L3MBTL4: variants seen among roughly 807,000 people sequenced by gnomAD.
L3MBTL4 encodes lethal(3)malignant brain tumor-like protein 4.
In L3MBTL4, 70 loss-of-function variants were observed where a neutral mutation model predicts 84.5. The ratio of observed to expected loss-of-function variants is 0.83; its 90% confidence interval spans 0.68 to 1.01. L3MBTL4 has a LOEUF of 1.01. Among genes scored for constraint, L3MBTL4 ranks in the 50% least tolerant of loss-of-function variants. The pLI is 0.00. For synonymous variants in L3MBTL4, 274 were observed against 259.8 expected (o/e 1.05, Z -0.52); for missense variants, 715 against 754.8 (o/e 0.95, Z 0.62).
At chr18:6,377,922 T>C (rs2054437400) in intron 1 of L3MBTL4, among the ~76,000 whole-genome samples, 1 of 152,228 alleles carries the variant, frequency 6.6e-6, no homozygotes, top group Non-Finnish European at 1.5e-5. Context: ...TTGAACTAAT[T>C]TACAATCCCA....
At chr18:6,408,019 C>T (rs2055806822) in intron 1 of L3MBTL4, among the ~76,000 whole-genome samples, 1 of 152,068 alleles carries the variant, frequency 6.6e-6, no homozygotes, top group Non-Finnish European at 1.5e-5. Flanking sequence ...GATACCATCC[C>T]CTCCAAACAC....
intron 3 of L3MBTL4, among the ~76,000 whole-genome samples, chr18:6,304,034 A>AC (rs1248683134): frequency 1.3e-5 from 2 of 151,644 alleles, no homozygotes; most frequent in Non-Finnish European, 2.9e-5. Flanking sequence ...AAAAAACAAA[A>AC]AAAAAAGACT....
At chr18:6,157,659 C>T (rs1262107758) in intron 13 of L3MBTL4, among the ~76,000 whole-genome samples, 3 of 151,956 alleles carry the variant, frequency 2.0e-5, no homozygotes, top group Non-Finnish European at 2.9e-5. Context: ...GCTATTATGC[C>T]TGTTTATGTT....
intron 1 of L3MBTL4, among the ~76,000 whole-genome samples, chr18:6,352,802 T>C (rs2053260634): frequency 6.6e-6 from 1 of 152,220 alleles, no homozygotes; most frequent in Non-Finnish European, 1.5e-5. Context: ...ATCTAGTTGG[T>C]AGCCTCAAAA....
chr18:6,210,845 A>G (rs1453018455), intron 12 of L3MBTL4, among the ~76,000 whole-genome samples: 1 of 152,136 alleles, frequency 6.6e-6, no homozygotes, highest in Non-Finnish European at 1.5e-5. Flanking sequence ...ACTGATGACA[A>G]TTGCTTCCTT....
intron 1 of L3MBTL4, among the ~76,000 whole-genome samples, chr18:6,361,965 CA>C (rs2053715077): frequency 1.3e-5 from 2 of 151,772 alleles, no homozygotes; most frequent in Non-Finnish European, 2.9e-5. Context: ...AAAAATTAGG[CA>C]GGCATGGTGG....
intron 4 of L3MBTL4, among the ~76,000 whole-genome samples, chr18:6,268,460 C>T (rs1415464331): frequency 6.6e-6 from 1 of 152,196 alleles, no homozygotes; most frequent in Non-Finnish European, 1.5e-5. Context: ...CAGAATAGCA[C>T]TCTGGGCCTT....
At chr18:6,276,191 G>C (rs2049070361) in intron 4 of L3MBTL4, among the ~76,000 whole-genome samples, 1 of 152,192 alleles carries the variant, frequency 6.6e-6, no homozygotes, top group South Asian at 2.1e-4. Flanking sequence ...ATCAAGCCAA[G>C]GTACATCTTA....
At chr18:6,185,602 C>T (rs755410070) in intron 12 of L3MBTL4, among the ~76,000 whole-genome samples, 2 of 152,102 alleles carry the variant, frequency 1.3e-5, no homozygotes, top group Non-Finnish European at 2.9e-5. Flanking sequence ...CCTGCCCAAA[C>T]GTCATAAACA....
intron 14 of L3MBTL4, among the ~76,000 whole-genome samples, chr18:6,102,619 C>A (rs962429979): frequency 1.6e-4 from 25 of 152,314 alleles, no homozygotes; most frequent in African/African-American, 6.0e-4. Flanking sequence ...CACTGGGCTC[C>A]TGGTATGGTT....
Position 5,958,639 on chromosome 18 carries a change from G to T in L3MBTL4, c.1677+1455C>A, listed in dbSNP as rs1191346147. ...GCTCATGCAGCTTCTAAGGGGCAAA[G>T]TTGGGATTTCTGGCAGAGCTTGTTG... On this transcript the variant is annotated intron_variant, in intron 18 of 18. Coordinates refer to ENST00000317931, the MANE Select transcript of L3MBTL4 (RefSeq NM_001330559.2). Among the ~76,000 whole-genome samples the T allele has an allele frequency of 3.3e-5, 5 of 152,184 alleles. No individual in the cohort carries two copies. The East Asian group carries it at 9.6e-4, about 29-fold the overall frequency.
intron 14 of L3MBTL4, among the ~76,000 whole-genome samples, chr18:6,095,752 C>G (rs1190835292): frequency 6.6e-6 from 1 of 152,172 alleles, no homozygotes; most frequent in African/African-American, 2.4e-5. Context: ...CAGGCTAATG[C>G]AGGCTTGGTT....
At chr18:6,030,023 T>C in intron 16 of L3MBTL4, 37 of 985,450 alleles carry the variant, frequency 3.8e-5, no homozygotes, top group Non-Finnish European at 4.5e-5. Context: ...CAGGGACTGG[T>C]CACTTATAGT....
chr18:5,997,923 G>C (rs999116909), intron 16 of L3MBTL4, among the ~76,000 whole-genome samples: 2 of 152,026 alleles, frequency 1.3e-5, no homozygotes, highest in Non-Finnish European at 2.9e-5. Context: ...GTATCCATGG[G>C]GGTCCTGGAA....
intron 14 of L3MBTL4, among the ~76,000 whole-genome samples, chr18:6,132,617 A>G (rs937341751): frequency 6.6e-6 from 1 of 152,126 alleles, no homozygotes; most frequent in African/African-American, 2.4e-5. Context: ...TTTCTTTTTT[A>G]TATTCTTCTC....
At chr18:6,287,681 G>A (rs1379952815) in intron 4 of L3MBTL4, among the ~76,000 whole-genome samples, 1 of 152,184 alleles carries the variant, frequency 6.6e-6, no homozygotes, top group African/African-American at 2.4e-5. Context: ...ATACTATGCA[G>A]ACCTTGGTAG....
chr18:6,230,820 T>G (rs1241466454), intron 10 of L3MBTL4, among the ~76,000 whole-genome samples: 2 of 152,214 alleles, frequency 1.3e-5, no homozygotes, highest in African/African-American at 2.4e-5. Flanking sequence ...TTGTGGTTTT[T>G]GATTTGCATT....
At chr18:6,289,516 A>C (rs1445419932) in intron 4 of L3MBTL4, among the ~76,000 whole-genome samples, 1 of 152,164 alleles carries the variant, frequency 6.6e-6, no homozygotes, top group African/African-American at 2.4e-5. Flanking sequence ...TGTCCTCTTC[A>C]TTTAAAATGG....
intron 16 of L3MBTL4, among the ~76,000 whole-genome samples, chr18:5,992,777 G>A (rs765121332): frequency 3.5e-4 from 53 of 152,248 alleles, no homozygotes; most frequent in Middle Eastern, 3.4e-3. Flanking sequence ...TTCGCCTTCC[G>A]CCATGAGTAA....
Sources: allele counts gnomAD v4.1 joint callset (sites outside exome capture counted in the v4.1 genomes callset), GRCh38; gene constraint gnomAD v4.1.1; transcripts MANE v1.5; gene names NCBI Gene and HGNC (gene_info 2026-07-23, HGNC 2026-07-21).